NFIB: variants seen among roughly 807,000 people sequenced by gnomAD.
The protein encoded by NFIB is nuclear factor 1 B-type.
A neutral mutation model predicts 61.5 loss-of-function variants in NFIB; 11 were observed. The ratio of observed to expected loss-of-function variants is 0.18; its 90% CI spans 0.11 to 0.30. The LOEUF is 0.30. NFIB is among the 10% of genes least tolerant of loss of function. The pLI is 1.00. For synonymous variants in NFIB, 260 were observed against 216.5 expected (o/e 1.20, Z -1.76); for missense variants, 471 against 608.9 (o/e 0.77, Z 2.38).
intron 10 of NFIB, among the ~76,000 whole-genome samples, chr9:14,094,984 A>G (rs906537048): frequency 6.6e-6 from 1 of 152,116 alleles, no homozygotes; most frequent in African/African-American, 2.4e-5. Context: ...TCTACCATTG[A>G]AATATTTTAT....
chr9:14,452,341 G>A, the NFIB span, among the ~76,000 whole-genome samples: 4 of 150,904 alleles, frequency 2.7e-5, no homozygotes, highest in African/African-American at 9.7e-5. Context: ...GAAAAAAGAA[G>A]GAGGGAAAGT....
intron 1 of NFIB, chr9:14,322,044 G>C: frequency 8.3e-7 from 1 of 1,208,686 alleles, no homozygotes; most frequent in African/African-American, 1.6e-5. Flanking sequence ...ATTTTCTCAG[G>C]GGTTGTTTTG....
Position 14,155,910 on chromosome 9 carries a change from A to C in NFIB, c.617-17T>G. On this transcript the variant is annotated splice_polypyrimidine_tract_variant and intron_variant, in intron 3 of 10. Transcript: ENST00000380953. The stretch of plus-strand genomic sequence containing the variant: ...CAAGGTAACCTGAAAATAAATATTA[A>C]AGGAAAAATGATCAATATAAGCAGA... 2.1e-6 allele frequency: 3 copies of C among 1,453,918 alleles called. No individual in the cohort carries two copies. The highest frequency in any genetic ancestry group is 2.8e-6 in the Non-Finnish European group (3 of 1,052,722). The allele number at this position is 1,453,918 out of a possible 1,614,324, so 90.1% of individuals were successfully genotyped here.
At chr9:14,217,925 G>A (rs1414579156) in intron 2 of NFIB, among the ~76,000 whole-genome samples, 2 of 152,160 alleles carry the variant, frequency 1.3e-5, no homozygotes, top group Non-Finnish European at 2.9e-5. Flanking sequence ...ATGAAGGTAA[G>A]AAAGTAAATA....
At chr9:14,129,196 C>T (rs572199198) in intron 6 of NFIB, among the ~76,000 whole-genome samples, 33 of 152,094 alleles carry the variant, frequency 2.2e-4, no homozygotes, top group Admixed American at 1.7e-3. Context: ...TGGGAAGGTT[C>T]ACTGACCAAA....
chr9:14,260,422 G>A (rs2056637322), intron 2 of NFIB, among the ~76,000 whole-genome samples: 1 of 152,168 alleles, frequency 6.6e-6, no homozygotes, highest in Non-Finnish European at 1.5e-5. Context: ...TTTAATTCAT[G>A]TTCTTACTTA....
At chr9:14,362,576 A>C (rs751498687) in intron 1 of NFIB, 41 of 152,184 alleles carry the variant, frequency 2.7e-4, no homozygotes, top group Non-Finnish European at 2.9e-5. Flanking sequence ...AATACCTGTT[A>C]CTGCCCTGTG....
chr9:14,125,531 T>C (rs995926789), intron 7 of NFIB, 101 bp downstream of exon 7: 6 of 1,471,170 alleles, frequency 4.1e-6, no homozygotes, highest in Admixed American at 2.2e-5. Flanking sequence ...TGAGAAAATA[T>C]GGTTGCCATA....
chr9:14,102,649 G>C, intron 10 of NFIB: 1 of 545,696 alleles, frequency 1.8e-6, no homozygotes. Context: ...AAAAAAAAAA[G>C]CAAAAAAAAA....
At chr9:14,287,099 T>C (rs907172565) in intron 2 of NFIB, among the ~76,000 whole-genome samples, 3 of 152,024 alleles carry the variant, frequency 2.0e-5, no homozygotes, top group African/African-American at 7.2e-5. Flanking sequence ...TCTTTGGGTA[T>C]ATGATTTGTA....
At chr9:14,241,475 T>G (rs778614620) in intron 2 of NFIB, among the ~76,000 whole-genome samples, 2 of 151,948 alleles carry the variant, frequency 1.3e-5, no homozygotes, top group Non-Finnish European at 2.9e-5. Flanking sequence ...AAATTTTTCT[T>G]TAATCGACTT....
At chr9:14,259,866 C>T (rs1219615411) in intron 2 of NFIB, among the ~76,000 whole-genome samples, 1 of 152,208 alleles carries the variant, frequency 6.6e-6, no homozygotes, top group Non-Finnish European at 1.5e-5. Context: ...GATAGCACCA[C>T]TGCACTCCAG....
the NFIB span, among the ~76,000 whole-genome samples, chr9:14,436,441 GGCATCT>G: frequency 1.3e-5 from 2 of 152,312 alleles, no homozygotes; most frequent in Middle Eastern, 6.8e-3. Context: ...GCTTTCATTT[GGCATCT>G]GTATGGGCTT....
Position 14,084,600 on chromosome 9 carries a change from G to C in NFIB, c.*3709C>G. On this transcript the variant is annotated 3_prime_UTR_variant, in exon 11 of 11. Coordinates refer to ENST00000380953, the MANE Select transcript of NFIB (RefSeq NM_001190737.2). ...GAGGCACTGTGAGTGGTGGGTGGCA[G>C]GGCAGCACACAAAGGCTGAACAGTG... The C allele has an allele frequency of 4.4e-6, 1 of 228,960 alleles. No homozygotes were observed. Among genetic ancestry groups the C allele is most frequent in the Non-Finnish European group, 8.7e-6 (1 of 115,112 alleles). The allele number at this position is 228,960 out of a possible 1,614,324, so 14.2% of individuals were successfully genotyped here.
chr9:14,248,077 C>A (rs1168992486), intron 2 of NFIB, among the ~76,000 whole-genome samples: 1 of 151,836 alleles, frequency 6.6e-6, no homozygotes, highest in Non-Finnish European at 1.5e-5. Flanking sequence ...GGACTAAAGG[C>A]ATGCACCACC....
intron 3 of NFIB, among the ~76,000 whole-genome samples, chr9:14,167,532 C>CAACAA (rs931382750): frequency 1.3e-5 from 2 of 152,096 alleles, no homozygotes; most frequent in Non-Finnish European, 2.9e-5. Flanking sequence ...GATGCTGTCT[C>CAACAA]AACAAAACAA....
chr9:14,143,594 A>AT (rs1305977004), intron 6 of NFIB, among the ~76,000 whole-genome samples: 1 of 152,194 alleles, frequency 6.6e-6, no homozygotes, highest in Non-Finnish European at 1.5e-5. Flanking sequence ...ATTTCTGCCC[A>AT]TTTTAAACAC....
At chr9:14,110,375 T>C in intron 10 of NFIB, among the ~76,000 whole-genome samples, 1 of 152,020 alleles carries the variant, frequency 6.6e-6, no homozygotes, top group South Asian at 2.1e-4. Context: ...GGTGACGATA[T>C]TTATTCTTAA....
At chr9:14,163,647 T>TA (rs1357577404) in intron 3 of NFIB, among the ~76,000 whole-genome samples, 2 of 151,998 alleles carry the variant, frequency 1.3e-5, no homozygotes, top group African/African-American at 4.8e-5. Context: ...AGAAACTTTA[T>TA]AAAAAATAAA....
Sources: gnomAD v4.1 joint callset for allele counts (sites outside exome capture counted in the v4.1 genomes callset) on GRCh38, gnomAD v4.1.1 for gene constraint, MANE v1.5 for transcripts, NCBI Gene and HGNC (gene_info 2026-07-23, HGNC 2026-07-21) for gene names.